NDC1: variants seen among roughly 807,000 people sequenced by gnomAD.
NDC1 encodes nucleoporin NDC1.
In NDC1, 24 loss-of-function variants were observed where a neutral mutation model predicts 89.8. That is an observed-to-expected ratio of 0.27 (90% CI 0.19 to 0.38). The LOEUF is 0.38. NDC1 is among the 10% of genes least tolerant of loss of function. The pLI is 1.00. For missense variants in NDC1, 728 were observed against 797.6 expected (o/e 0.91, Z 1.05); for synonymous variants, 296 against 284.8 (o/e 1.04, Z -0.39).
intron 16 of NDC1, among the ~76,000 whole-genome samples, chr1:53,784,224 T>TACACAC (rs66868896): frequency 0.081 from 12,035 of 149,440 alleles, 593 homozygotes; most frequent in Non-Finnish European, 0.11. Context: ...TTCTGTTATC[T>TACACAC]ACACACACAC....
intron 2 of NDC1, 59 bp downstream of exon 2, chr1:53,835,441 C>T: frequency 6.9e-7 from 1 of 1,455,246 alleles, no homozygotes; most frequent in Non-Finnish European, 9.4e-7. Context: ...AAACATAATG[C>T]AATTTTTATG....
intron 3 of NDC1, among the ~76,000 whole-genome samples, chr1:53,829,640 A>G (rs1648987048): frequency 6.6e-6 from 1 of 152,240 alleles, no homozygotes; most frequent in Non-Finnish European, 1.5e-5. Context: ...CATGGCATAT[A>G]GTAAATGCAT....
At chr1:53,804,054 C>T (rs1419961606) in intron 9 of NDC1, 45 bp from the exon 10 acceptor site, 1 of 1,418,848 alleles carries the variant, frequency 7.0e-7, no homozygotes, top group South Asian at 1.2e-5. Context: ...TTTTTAACCT[C>T]TACATAAAAT....
At chr1:53,835,657 A>T in intron 1 of NDC1, 37 bp from the exon 2 acceptor site, 1 of 1,575,584 alleles carries the variant, frequency 6.3e-7, no homozygotes, top group Non-Finnish European at 8.6e-7. Flanking sequence ...TCATGAAGTC[A>T]GTTAAATTAT....
chr1:53,777,741 G>C (rs545175001), intron 16 of NDC1, among the ~76,000 whole-genome samples: 2 of 152,224 alleles, frequency 1.3e-5, no homozygotes, highest in East Asian at 3.9e-4. Context: ...TTTTGAGACA[G>C]GGTCTCACTC....
At chr1:53,796,553 G>A (rs1647706742) in intron 13 of NDC1, 136 bp downstream of exon 13, 2 of 536,364 alleles carry the variant, frequency 3.7e-6, no homozygotes, top group Non-Finnish European at 6.3e-6. Flanking sequence ...AATATTGGCT[G>A]TTTCATTTGA....
chr1:53,795,041 C>T (rs1647652527), intron 13 of NDC1, among the ~76,000 whole-genome samples: 1 of 152,184 alleles, frequency 6.6e-6, no homozygotes, highest in South Asian at 2.1e-4. Flanking sequence ...GTCCCCACTA[C>T]TCCAGCCAAC....
chr1:53,809,443 CT>C (rs1648226933), intron 7 of NDC1, among the ~76,000 whole-genome samples: 1 of 152,146 alleles, frequency 6.6e-6, no homozygotes, highest in Non-Finnish European at 1.5e-5. Context: ...CCTTGAACTC[CT>C]GGGCTCAAGC....
At chr1:53,835,781 T>C (rs1251267749) in intron 1 of NDC1, among the ~76,000 whole-genome samples, 161 bp from the exon 2 acceptor site, 1 of 152,190 alleles carries the variant, frequency 6.6e-6, no homozygotes, top group Admixed American at 6.5e-5. Context: ...CTAAAGAATT[T>C]ATAGTATCAG....
At chr1:53,834,865 C>T (rs921961794) in intron 2 of NDC1, among the ~76,000 whole-genome samples, 4 of 152,016 alleles carry the variant, frequency 2.6e-5, no homozygotes, top group Non-Finnish European at 4.4e-5. Flanking sequence ...CCCAGCACTT[C>T]GGGAGGCTGA....
chr1:53,812,844 G>A (rs1648356600), intron 6 of NDC1, among the ~76,000 whole-genome samples: 1 of 152,182 alleles, frequency 6.6e-6, no homozygotes, highest in Non-Finnish European at 1.5e-5. Context: ...GGATCTTTAA[G>A]AGCTGTGAGA....
At chr1:53,834,893 A>C (rs1357508306) in intron 2 of NDC1, among the ~76,000 whole-genome samples, 1 of 152,114 alleles carries the variant, frequency 6.6e-6, no homozygotes, top group Admixed American at 6.6e-5. Flanking sequence ...GGATTGCTTG[A>C]AGTCAGGAGC....
intron 16 of NDC1, among the ~76,000 whole-genome samples, chr1:53,777,984 C>G (rs1647175975): frequency 6.6e-6 from 1 of 152,052 alleles, no homozygotes; most frequent in Non-Finnish European, 1.5e-5. Context: ...CATGTGTGTG[C>G]CACCGCGCCC....
chr1:53,838,296 G>C lies in NDC1; in HGVS notation c.-35C>G. On this transcript the variant is annotated 5_prime_UTR_variant, in exon 1 of 18. Coordinates refer to ENST00000371429, the MANE Select transcript of NDC1 (RefSeq NM_018087.5). Reference sequence around the variant, plus strand: ...GGCCCCTAGTCTAGGGCGTACAGGAGACCGTGCGCCCGCCCGCCACCGCAG... The same window carrying C: ...GGCCCCTAGTCTAGGGCGTACAGGACACCGTGCGCCCGCCCGCCACCGCAG... 6.6e-7 allele frequency: 1 copy of C among 1,506,984 alleles called. No individual in the cohort carries two copies. The highest frequency in any genetic ancestry group is 8.9e-7 in the Non-Finnish European group (1 of 1,125,160). The allele number at this position is 1,506,984 out of a possible 1,614,324, so 93.4% of individuals were successfully genotyped here.
chr1:53,824,548 C>G (rs1361468447), intron 5 of NDC1, among the ~76,000 whole-genome samples: 1 of 152,196 alleles, frequency 6.6e-6, no homozygotes, highest in Non-Finnish European at 1.5e-5. Context: ...GCCCAGTCTT[C>G]AGCCTGCCAG....
intron 5 of NDC1, among the ~76,000 whole-genome samples, chr1:53,822,628 T>C (rs560267642): frequency 6.6e-6 from 1 of 151,876 alleles, no homozygotes; most frequent in Non-Finnish European, 1.5e-5. Context: ...AGATTGAGAC[T>C]GGCCATGGGA....
chr1:53,782,193 G>A (rs1257611087), intron 16 of NDC1, among the ~76,000 whole-genome samples: 1 of 152,198 alleles, frequency 6.6e-6, no homozygotes, highest in Non-Finnish European at 1.5e-5. Flanking sequence ...GTGGGAGGCA[G>A]AGACTGAATA....
chr1:53,814,998 T>C (rs562115768), intron 6 of NDC1, among the ~76,000 whole-genome samples: 11 of 152,256 alleles, frequency 7.2e-5, no homozygotes, highest in Non-Finnish European at 1.3e-4. Flanking sequence ...CAGGACCAGA[T>C]GGATTCACAG....
intron 16 of NDC1, among the ~76,000 whole-genome samples, chr1:53,778,379 T>C (rs1647179501): frequency 6.6e-6 from 1 of 152,164 alleles, no homozygotes; most frequent in African/African-American, 2.4e-5. Context: ...ACCCATATTC[T>C]ATTTGTAGCA....
Sources: allele counts gnomAD v4.1 joint callset (sites outside exome capture counted in the v4.1 genomes callset), GRCh38; gene constraint gnomAD v4.1.1; transcripts MANE v1.5; gene names NCBI Gene and HGNC (gene_info 2026-07-23, HGNC 2026-07-21).